The following PHF3 variants were observed in gnomAD, a reference collection of about 807,000 sequenced individuals.
PHF3 encodes the protein PHD finger protein 3.
A neutral mutation model predicts 178.4 loss-of-function variants in PHF3; 41 were observed. The observed-to-expected ratio is 0.23, with a 90% CI of 0.18 to 0.30. The LOEUF is 0.30. PHF3 is among the 10% of genes least tolerant of loss of function. The pLI is 1.00. For synonymous variants in PHF3, 842 were observed against 800.5 expected (o/e 1.05, Z -0.88); for missense variants, 2,346 against 2,398.1 (o/e 0.98, Z 0.45).
intron 8 of PHF3, among the ~76,000 whole-genome samples, chr6:63,699,386 G>T (rs946442608): frequency 3.9e-5 from 6 of 152,142 alleles, no homozygotes; most frequent in African/African-American, 1.4e-4. Context: ...CAACCTTTTT[G>T]CATAAAAGGT....
In PHF3 at chr6:63,706,174, TGAG is replaced by T; in HGVS notation, c.3520_3522del (p.Glu1174del). On this transcript the variant is annotated inframe_deletion, in exon 12 of 16. Transcript: ENST00000262043. ...CAAATATTTTGGCTTCTGAATTCTT[TGAG>T]GAGGAGAAACAGGAGTCTCCAAAGT... 3 of 1,614,024 alleles carry T rather than the reference TGAG, an allele frequency of 1.9e-6. No homozygotes were observed. The highest frequency in any genetic ancestry group is 3.3e-4 in the Middle Eastern group (2 of 6,062).
rs556696892 is a variant in PHF3, at chr6:63,716,629, G to A, written c.*2921G>A. ...GCAGATCTCACTGGGTAAGATCAAGGTGTCAGCAAGATGCATTCATTTTCT... is the reference window on the plus strand; with the variant it reads ...GCAGATCTCACTGGGTAAGATCAAGATGTCAGCAAGATGCATTCATTTTCT... On this transcript the variant is annotated 3_prime_UTR_variant, in exon 16 of 16. Transcript: ENST00000262043. Among the ~76,000 whole-genome samples the A allele has an allele frequency of 6.6e-6, 1 of 151,680 alleles. No individual in the cohort carries two copies. The highest frequency in any genetic ancestry group is 2.4e-5 in the African/African-American group (1 of 41,334).
intron 11 of PHF3, among the ~76,000 whole-genome samples, chr6:63,704,803 A>G (rs994340878): frequency 6.6e-6 from 1 of 152,142 alleles, no homozygotes; most frequent in Admixed American, 6.5e-5. Flanking sequence ...TGTTTATCTT[A>G]TAAGAAACCT....
chr6:63,703,769 A>G (rs1561979650), intron 11 of PHF3, 98 bp downstream of exon 11: 11 of 1,191,094 alleles, frequency 9.2e-6, no homozygotes, highest in Middle Eastern at 5.3e-4. Context: ...TGTTTTCCCA[A>G]TATTGGTGGT....
intron 2 of PHF3, among the ~76,000 whole-genome samples, chr6:63,678,224 A>T (rs577064567): frequency 6.6e-6 from 1 of 152,024 alleles, no homozygotes; most frequent in East Asian, 1.9e-4. Context: ...CCGTCTCAAA[A>T]AAAAAAAGAA....
chr6:63,654,751 GA>G (rs777369761), intron 2 of PHF3, among the ~76,000 whole-genome samples: 23 of 152,262 alleles, frequency 1.5e-4, no homozygotes, highest in Non-Finnish European at 2.6e-4. Flanking sequence ...CTAAAAGGGG[GA>G]ACTTGTGGTT....
At position 63,685,089 on chromosome 6, in the gene PHF3, G is replaced by C; in HGVS notation, c.1367G>C (p.Ser456Thr). 1 of 1,613,992 alleles carries C rather than the reference G, an allele frequency of 6.2e-7. No homozygotes were observed. Among genetic ancestry groups the C allele is most frequent in the Non-Finnish European group, 8.5e-7 (1 of 1,179,964 alleles). ...QNSKQLNAIESTKIESHETAN... is the reference protein window; with the variant it reads ...QNSKQLNAIETTKIESHETAN... ...TCAAAACAGTTGAATGCTATAGAAA[G>C]TACTAAAATAGAGTCCCATGAAACA... Residue 456 changes from serine to threonine, a missense_variant, in exon 4 of 16, where the codon AGT becomes ACT. Around this residue, in one of 8 missense-constraint regions of PHF3, gnomAD observed 843 missense variants for 795.2 expected, o/e 1.06. Coordinates refer to ENST00000262043, the MANE Select transcript of PHF3 (RefSeq NM_001370348.2).
At chr6:63,694,806 T>C in intron 6 of PHF3, 42 bp downstream of exon 6, 2 of 1,088,752 alleles carry the variant, frequency 1.8e-6, no homozygotes, top group Non-Finnish European at 2.4e-6. Flanking sequence ...AATATATTTA[T>C]ATCTTATTTA....
intron 2 of PHF3, among the ~76,000 whole-genome samples, chr6:63,657,105 G>A (rs1765267223): frequency 6.6e-6 from 1 of 152,036 alleles, no homozygotes; most frequent in African/African-American, 2.4e-5. Context: ...ATGTTGGCTG[G>A]TGCTTTTTAC....
intron 9 of PHF3, among the ~76,000 whole-genome samples, chr6:63,700,784 T>G (rs1229306198): frequency 1.3e-5 from 2 of 152,118 alleles, no homozygotes; most frequent in Non-Finnish European, 2.9e-5. Flanking sequence ...GGGTTTTACC[T>G]CTTAAACCAG....
chr6:63,698,140 A>C lies in PHF3; in HGVS notation c.2681-83A>C, dbSNP rs1470559771. On this transcript the variant is annotated intron_variant, in intron 6 of 15. Coordinates refer to ENST00000262043, the MANE Select transcript of PHF3 (RefSeq NM_001370348.2). ...TATTTCTAAATAGTGACTTTTAATC[A>C]GTTTTGTTTGTAAACTTATTCATTA... 3 of 1,082,474 alleles carry C rather than the reference A, an allele frequency of 2.8e-6. No individual in the cohort carries two copies. In the Admixed American group the frequency reaches 6.9e-5, roughly 25 times the overall value. 67.1% of individuals were successfully genotyped at this position (1,082,474 alleles called of 1,614,324 possible). A position where few individuals can be genotyped will look rare whatever the true frequency, so the allele number is the denominator to read the frequency against.
At chr6:63,700,983 A>G (rs1383883738) in intron 9 of PHF3, among the ~76,000 whole-genome samples, 1 of 152,110 alleles carries the variant, frequency 6.6e-6, no homozygotes. Context: ...AGGTTACAGA[A>G]TTACCTTGTG....
At chr6:63,705,034 G>A (rs1767631415) in intron 11 of PHF3, among the ~76,000 whole-genome samples, 1 of 152,264 alleles carries the variant, frequency 6.6e-6, no homozygotes, top group South Asian at 2.1e-4. Context: ...CATATGTGGA[G>A]CATCTTTTCA....
rs1462653453 is a variant in PHF3 at position 63,711,757 on chromosome 6, A to C, written c.4169A>C (p.Glu1390Ala). The C allele has an allele frequency of 4.3e-6, 7 of 1,613,570 alleles. No individual in the cohort carries two copies. The highest frequency in any genetic ancestry group is 2.2e-5 in the East Asian group (1 of 44,876). The change falls in exon 16 of 16, where the codon GAA (glutamate) becomes GCA (alanine). Residue 1390 changes from glutamate to alanine, a missense_variant. Physicochemically the swap from Glu to Ala is moderately radical, Grantham distance 107. Coordinates refer to ENST00000262043, the MANE Select transcript of PHF3 (RefSeq NM_001370348.2). Reference protein sequence around the residue: ...KKSKIEVSTEEAPEEENDFFN... With the variant: ...KKSKIEVSTEAAPEEENDFFN... ...AGTAAAATAGAAGTTTCTACAGAAG[A>C]AGCACCAGAGGAAGAAAATGACTTT...
In PHF3 at chr6:63,691,945, A is replaced by G. The variant is rs747145754; in HGVS notation, c.2398A>G (p.Met800Val). ...TGAATTCCATAGTGGAGATAAAACA[A>G]TGGAGTGTGAAAAGCTTGGATTATC... is the stretch of plus-strand genomic sequence containing the variant. ...TVEFHSGDKTMECEKLGLSKH... is the reference protein window; with the variant it reads ...TVEFHSGDKTVECEKLGLSKH... The change falls in exon 5 of 16, where the codon ATG (methionine) becomes GTG (valine). Residue 800 changes from methionine (M) to valine (V), a missense_variant. Met to Val is a conservative substitution (Grantham distance 21, BLOSUM62 1). Around this residue, in one of 8 missense-constraint regions of PHF3, gnomAD observed 252 missense variants for 232.0 expected, o/e 1.09. Transcript: ENST00000262043. 13 of 1,613,776 alleles carry G rather than the reference A, an allele frequency of 8.1e-6. No individual in the cohort carries two copies. Among genetic ancestry groups the G allele is most frequent in the South Asian group, 4.4e-5 (4 of 91,072 alleles).
At chr6:63,663,421 T>C (rs1274538727) in intron 2 of PHF3, among the ~76,000 whole-genome samples, 2 of 152,172 alleles carry the variant, frequency 1.3e-5, no homozygotes, top group Non-Finnish European at 2.9e-5. Flanking sequence ...CTTGTTTTTT[T>C]AGAGAAGTAG....
intron 2 of PHF3, among the ~76,000 whole-genome samples, chr6:63,657,271 C>G (rs1765274332): frequency 6.6e-6 from 1 of 152,072 alleles, no homozygotes; most frequent in Admixed American, 6.6e-5. Context: ...TAGTAGTAGT[C>G]TATTCTCAAA....
In PHF3 at chr6:63,713,788, T is replaced by C; in HGVS notation, c.*80T>C. Reference sequence around the variant, plus strand: ...TGTAAACAAAAGAAAGATTGCCTGCTAGGATTGTGCCATCTTTAAAATTTT... The same window carrying C: ...TGTAAACAAAAGAAAGATTGCCTGCCAGGATTGTGCCATCTTTAAAATTTT... On this transcript the variant is annotated 3_prime_UTR_variant, in exon 16 of 16. Transcript: ENST00000262043. 1 of 1,216,430 alleles carries C rather than the reference T, an allele frequency of 8.2e-7. No homozygotes were observed. The highest frequency in any genetic ancestry group is 1.1e-6 in the Non-Finnish European group (1 of 888,090). 75.4% of individuals were successfully genotyped at this position (1,216,430 alleles called of 1,614,324 possible).
At chr6:63,641,562 G>GTC (rs1462054418) in intron 1 of PHF3, among the ~76,000 whole-genome samples, 2 of 149,090 alleles carry the variant, frequency 1.3e-5, no homozygotes, top group African/African-American at 5.1e-5. Context: ...GTGTGTGTGT[G>GTC]TGTGTGTTTT....
Sources: gnomAD v4.1 joint callset for allele counts (sites outside exome capture counted in the v4.1 genomes callset) on GRCh38, gnomAD v4.1.1 for gene constraint, gnomAD v4.1.1 regional missense constraint, MANE v1.5 for transcripts, NCBI Gene and HGNC (gene_info 2026-07-23, HGNC 2026-07-21) for gene names.